The following B3GALNT2 variants were observed in gnomAD, a reference collection of about 807,000 sequenced individuals.
B3GALNT2 encodes the protein beta-1,3-N-acetylgalactosaminyltransferase 2, also known as UDP-GalNAc:beta-1,3-N-acetylgalactosaminyltransferase 2.
B3GALNT2 carries 53 observed loss-of-function variants against 61.1 expected under a neutral mutation model. The observed-to-expected ratio is 0.87, with a 90% CI of 0.70 to 1.09. The LOEUF (loss-of-function observed/expected upper bound fraction) is 1.09. Ranked by LOEUF, B3GALNT2 falls within the 50% of genes least tolerant of loss-of-function variation. The pLI is 0.00. For missense variants in B3GALNT2, 544 were observed against 623.0 expected, an observed-to-expected ratio of 0.87 and a Z score of 1.35; for synonymous variants, 223 against 237.4, an observed-to-expected ratio of 0.94 and a Z score of 0.56.
At chr1:235,483,822 T>C (rs1007976984) in intron 4 of B3GALNT2, among the ~76,000 whole-genome samples, 1 of 152,224 alleles carries the variant, frequency 6.6e-6, no homozygotes, top group African/African-American at 2.4e-5. Context: ...ACATGCACTC[T>C]GTGAACAAAT....
chr1:235,471,067 C>T (rs1683980912), intron 5 of B3GALNT2, 107 bp from the exon 6 acceptor site: 4 of 1,517,216 alleles, frequency 2.6e-6, no homozygotes, highest in Admixed American at 2.2e-5. Flanking sequence ...CAAAACGTAT[C>T]ATTTAAAATT....
At position 235,452,763 on chromosome 1, in the gene B3GALNT2, A is replaced by T. The variant is rs555594030; in HGVS notation, c.1368+327T>A. 3.1e-3 allele frequency among the ~76,000 whole-genome samples: 476 copies of T among 152,250 alleles called. 2 individuals are homozygous for T. The highest frequency in any genetic ancestry group is 0.011 in the African/African-American group (450 of 41,532). ...GACGGGGGGTTTCACCATGTTGCCC[A>T]GGCTGGTCTTGAACTCCTGGGCTCA... On this transcript the variant is annotated intron_variant, in intron 11 of 11. Transcript: ENST00000366600.
chr1:235,476,538 C>T (rs1352682945), intron 5 of B3GALNT2, among the ~76,000 whole-genome samples: 2 of 151,470 alleles, frequency 1.3e-5, no homozygotes, highest in African/African-American at 2.4e-5. Context: ...CATAGCGACA[C>T]ACCCATCTGT....
At chr1:235,464,180 T>C (rs910626303) in intron 7 of B3GALNT2, 26 of 152,196 alleles carry the variant, frequency 1.7e-4, no homozygotes, top group Non-Finnish European at 1.0e-4. Context: ...CATTAGACAA[T>C]AGTTCCTTAC....
rs1286810299 is a variant in B3GALNT2, at chr1:235,447,497, TTGTGTA to T, written c.*2703_*2708del. ...TTACATTCCCATGCCTGGCAGTCAC[TTGTGTA>T]TGTTTAATACAGTTACACATGATGT... is the stretch of plus-strand genomic sequence containing the variant. On this transcript the variant is annotated 3_prime_UTR_variant, in exon 12 of 12. Transcript: ENST00000366600. 7.2e-5 allele frequency among the ~76,000 whole-genome samples: 11 copies of T among 152,190 alleles called. No individual in the cohort carries two copies. Among genetic ancestry groups the T allele is most frequent in the African/African-American group, 2.7e-4 (11 of 41,444 alleles).
At chr1:235,503,123 CAT>C (rs1251808176) in intron 1 of B3GALNT2, among the ~76,000 whole-genome samples, 2 of 152,162 alleles carry the variant, frequency 1.3e-5, no homozygotes, top group East Asian at 3.8e-4. Context: ...ACTTATAAGG[CAT>C]AGAGTGCTGA....
chr1:235,490,064 C>A (rs979113277), intron 2 of B3GALNT2, among the ~76,000 whole-genome samples: 9 of 152,200 alleles, frequency 5.9e-5, no homozygotes, highest in African/African-American at 9.6e-5. Context: ...GTCATCTTCA[C>A]TGCCTCTTGT....
chr1:235,474,569 C>T (rs956164543), intron 5 of B3GALNT2, among the ~76,000 whole-genome samples: 6 of 152,002 alleles, frequency 3.9e-5, no homozygotes, highest in African/African-American at 1.4e-4. Flanking sequence ...CCTGTAATCC[C>T]AGCACTTTGG....
At position 235,450,235 on chromosome 1, in the gene B3GALNT2, C is replaced by G; in HGVS notation, c.1474G>C (p.Gly492Arg). 1.2e-6 allele frequency: 2 copies of G among 1,614,122 alleles called. No individual in the cohort carries two copies. The highest frequency in any genetic ancestry group is 1.7e-6 in the Non-Finnish European group (2 of 1,180,012). ...TELWKLKERC[G>R]DPCRCQAR ...CTTGCTTGACATCGACAAGGATCAC[C>G]GCACCGTTCCTTCAGTTTCCACAGT... The change falls in exon 12 of 12, where the codon GGT (glycine) becomes CGT (arginine). Residue 492 changes from glycine (G) to arginine (R), a missense_variant. Coordinates refer to ENST00000366600, the MANE Select transcript of B3GALNT2 (RefSeq NM_152490.5).
intron 4 of B3GALNT2, among the ~76,000 whole-genome samples, chr1:235,483,328 C>T (rs1218879012): frequency 6.6e-6 from 1 of 152,088 alleles, no homozygotes; most frequent in African/African-American, 2.4e-5. Context: ...AGAGAGCGAG[C>T]GAAGTCAGAA....
intron 9 of B3GALNT2, among the ~76,000 whole-genome samples, chr1:235,454,598 C>A (rs1683081172): frequency 6.6e-6 from 1 of 151,794 alleles, no homozygotes; most frequent in African/African-American, 2.4e-5. Flanking sequence ...ACCATCATGA[C>A]CAGCTAATTT....
chr1:235,479,528 T>C (rs1684457631), intron 5 of B3GALNT2: 1 of 153,446 alleles, frequency 6.5e-6, no homozygotes, highest in African/African-American at 2.4e-5. Context: ...TTAGTGCATA[T>C]CTAGTTATGA....
chr1:235,502,264 C>T (rs758712612), intron 1 of B3GALNT2, among the ~76,000 whole-genome samples: 3 of 152,186 alleles, frequency 2.0e-5, no homozygotes, highest in African/African-American at 7.2e-5. Context: ...CCACCCACCA[C>T]GGCCTCCCAA....
intron 7 of B3GALNT2, chr1:235,464,071 A>T (rs1235993122): frequency 6.6e-6 from 1 of 152,234 alleles, no homozygotes; most frequent in African/African-American, 2.4e-5. Context: ...ATTTCATGCC[A>T]TATATGAAAA....
At chr1:235,493,477 A>C (rs576285353) in intron 2 of B3GALNT2, among the ~76,000 whole-genome samples, 1 of 152,268 alleles carries the variant, frequency 6.6e-6, no homozygotes, top group South Asian at 2.1e-4. Context: ...ACTACTAGTG[A>C]CAAGAAAATT....
At chr1:235,499,616 G>A (rs1685496378) in intron 1 of B3GALNT2, among the ~76,000 whole-genome samples, 1 of 152,174 alleles carries the variant, frequency 6.6e-6, no homozygotes, top group South Asian at 2.1e-4. Flanking sequence ...GACAAGAGAT[G>A]GACAGGAGAA....
At position 235,465,570 on chromosome 1, in the gene B3GALNT2, T is replaced by TA. The variant is rs770622073; in HGVS notation, c.841+65_841+66insT. On this transcript the variant is annotated intron_variant, in intron 7 of 11. Transcript: ENST00000366600. ...AGACAAAAAAGAAAAAATCCTTTTC[T>TA]CTCAAGTATAAAGATTAAGTATAAG... 4 of 1,560,278 alleles carry TA rather than the reference T, an allele frequency of 2.6e-6. No homozygotes were observed. The South Asian group carries it at 3.6e-5, about 14-fold the overall frequency.
At chr1:235,445,191 G>A (rs547818053), downstream of B3GALNT2, among the ~76,000 whole-genome samples, 1 of 152,172 alleles carries the variant, frequency 6.6e-6, no homozygotes, top group Non-Finnish European at 1.5e-5. Flanking sequence ...GATTACAAGG[G>A]TTCCTTTTTT....
At chr1:235,451,472 C>CAAAAAAAAAAAAAA (rs11464279) in intron 11 of B3GALNT2, 1 of 83,064 alleles carries the variant, frequency 1.2e-5, no homozygotes, top group African/African-American at 4.7e-5. Context: ...GAGATGGTCA[C>CAAAAAAAAAAAAAA]AAAAAAAAAA....
Sources: allele counts gnomAD v4.1 joint callset (sites outside exome capture counted in the v4.1 genomes callset), GRCh38; gene constraint gnomAD v4.1.1; transcripts MANE v1.5; gene names NCBI Gene and HGNC (gene_info 2026-07-23, HGNC 2026-07-21).